Variants in PRKCB observed in about 807,000 individuals in gnomAD.
The protein encoded by PRKCB is protein kinase C beta.
In PRKCB, 13 loss-of-function variants were observed where a neutral mutation model predicts 81.5. That is an observed-to-expected ratio of 0.16 (90% CI 0.10 to 0.25). PRKCB has a LOEUF of 0.25. PRKCB is among the 10% of genes least tolerant of loss of function. PRKCB has a pLI of 1.00. For synonymous variants in PRKCB, 335 were observed against 321.4 expected, an observed-to-expected ratio of 1.04 and a Z score of -0.45; for missense variants, 509 against 875.7, an observed-to-expected ratio of 0.58 and a Z score of 5.29.
In PRKCB at chr16:24,219,723, A is replaced by G. The variant is rs1441447355; in HGVS notation, c.*4907A>G. Reference sequence around the variant, plus strand: ...ACACACCACTTTATGGCAATTCTTAACTGACATTCAATGACTTACTTCTTT... The same window carrying G: ...ACACACCACTTTATGGCAATTCTTAGCTGACATTCAATGACTTACTTCTTT... On this transcript the variant is annotated 3_prime_UTR_variant, in exon 17 of 17. Coordinates refer to ENST00000643927, the MANE Select transcript of PRKCB (RefSeq NM_002738.7). 4.2e-5 allele frequency: 57 copies of G among 1,354,674 alleles called. No individual in the cohort carries two copies. Among genetic ancestry groups the G allele is most frequent in the Non-Finnish European group, 5.4e-5 (57 of 1,053,358 alleles). 83.9% of individuals were successfully genotyped at this position (1,354,674 alleles called of 1,614,324 possible).
chr16:24,129,846 C>T (rs992802140), intron 9 of PRKCB, among the ~76,000 whole-genome samples: 1 of 152,192 alleles, frequency 6.6e-6, no homozygotes, highest in Non-Finnish European at 1.5e-5. Context: ...ATGTAATATA[C>T]TCATGGTCCC....
chr16:23,919,296 A>G (rs912348346), intron 2 of PRKCB, among the ~76,000 whole-genome samples: 1 of 151,986 alleles, frequency 6.6e-6, no homozygotes, highest in Non-Finnish European at 1.5e-5. Context: ...AAATCAAATT[A>G]TACTACTTAT....
intron 2 of PRKCB, among the ~76,000 whole-genome samples, chr16:23,917,243 C>T (rs180726081): frequency 7.2e-5 from 11 of 152,136 alleles, no homozygotes; most frequent in South Asian, 2.1e-4. Flanking sequence ...CTACCACACC[C>T]GGCTAATTTT....
At chr16:24,140,744 G>C (rs749826889) in intron 9 of PRKCB, among the ~76,000 whole-genome samples, 1 of 152,200 alleles carries the variant, frequency 6.6e-6, no homozygotes, top group Non-Finnish European at 1.5e-5. Context: ...GAGTAATTGG[G>C]AAAGTTGCAA....
At chr16:23,882,006 CTT>C (rs757542870) in intron 2 of PRKCB, among the ~76,000 whole-genome samples, 8 of 101,508 alleles carry the variant, frequency 7.9e-5, no homozygotes, top group Non-Finnish European at 1.2e-4. Context: ...TTCTTTCTTT[CTT>C]TCTTTCTTTC....
intron 2 of PRKCB, among the ~76,000 whole-genome samples, chr16:23,972,063 C>T (rs537762547): frequency 3.9e-5 from 6 of 152,140 alleles, no homozygotes; most frequent in African/African-American, 1.4e-4. Context: ...AATGGATAAG[C>T]AAACTTTAGA....
chr16:23,872,297 G>A (rs1962917704), intron 2 of PRKCB, among the ~76,000 whole-genome samples: 1 of 152,216 alleles, frequency 6.6e-6, no homozygotes, highest in Admixed American at 6.5e-5. Flanking sequence ...AGACCAAGAA[G>A]TGGAATAGTT....
At chr16:24,127,364 G>A (rs1179263290) in intron 9 of PRKCB, among the ~76,000 whole-genome samples, 1 of 152,046 alleles carries the variant, frequency 6.6e-6, no homozygotes, top group Non-Finnish European at 1.5e-5. Context: ...ATATTAAAAG[G>A]ATAAACACTG....
intron 16 of PRKCB, among the ~76,000 whole-genome samples, chr16:24,201,888 T>G (rs1342611730): frequency 6.6e-6 from 1 of 151,900 alleles, no homozygotes; most frequent in Non-Finnish European, 1.5e-5. Flanking sequence ...TACAAAAAAT[T>G]AGCTGGGCGC....
At chr16:23,889,847 A>G (rs750557729) in intron 2 of PRKCB, among the ~76,000 whole-genome samples, 4 of 152,150 alleles carry the variant, frequency 2.6e-5, no homozygotes, top group African/African-American at 9.7e-5. Context: ...TCTCTCATCT[A>G]TCATCTATCT....
At chr16:24,186,313 G>A (rs982535682) in intron 15 of PRKCB, among the ~76,000 whole-genome samples, 2 of 152,168 alleles carry the variant, frequency 1.3e-5, no homozygotes, top group African/African-American at 4.8e-5. Flanking sequence ...GAATGCACAT[G>A]CTTCTGCCTT....
chr16:23,917,083 C>G (rs2141740523), intron 2 of PRKCB, among the ~76,000 whole-genome samples: 1 of 151,886 alleles, frequency 6.6e-6, no homozygotes, highest in Admixed American at 6.6e-5. Context: ...ATGTCTCATT[C>G]TATTTTTATT....
chr16:23,960,836 G>A (rs1270206003), intron 2 of PRKCB, among the ~76,000 whole-genome samples: 1 of 152,176 alleles, frequency 6.6e-6, no homozygotes, highest in Non-Finnish European at 1.5e-5. Flanking sequence ...TTTAATCATT[G>A]TCTGAGAGTC....
chr16:24,172,429 T>C, intron 11 of PRKCB, 68 bp downstream of exon 11: 1 of 1,403,988 alleles, frequency 7.1e-7, no homozygotes, highest in Non-Finnish European at 9.9e-7. Context: ...CCTTTGAGGG[T>C]GTTTTTTTGC....
At chr16:24,192,538 GT>G (rs1967809781) in intron 16 of PRKCB, among the ~76,000 whole-genome samples, 1 of 152,166 alleles carries the variant, frequency 6.6e-6, no homozygotes, top group South Asian at 2.1e-4. Flanking sequence ...AACTCATATG[GT>G]TTTTGTGGGG....
At chr16:24,134,118 G>A (rs528638005) in intron 9 of PRKCB, among the ~76,000 whole-genome samples, 1 of 152,002 alleles carries the variant, frequency 6.6e-6, no homozygotes, top group South Asian at 2.1e-4. Context: ...GGCTGGTCTC[G>A]AACTCCTGGG....
intron 2 of PRKCB, among the ~76,000 whole-genome samples, chr16:23,904,550 C>T (rs1963527752): frequency 6.6e-6 from 1 of 152,082 alleles, no homozygotes; most frequent in African/African-American, 2.4e-5. Context: ...GTGATTTCAG[C>T]TACTTGGGAG....
chr16:23,882,029 C>T (rs796178410), intron 2 of PRKCB, among the ~76,000 whole-genome samples: 2,006 of 23,318 alleles, frequency 0.086, 28 homozygotes, highest in East Asian at 0.2. Flanking sequence ...TTTCTTCCTT[C>T]CTTCCTTCCT....
At chr16:23,936,979 C>T (rs1282367865) in intron 2 of PRKCB, among the ~76,000 whole-genome samples, 2 of 152,184 alleles carry the variant, frequency 1.3e-5, no homozygotes, top group East Asian at 3.8e-4. Context: ...TTCCAGTTTG[C>T]TGTAGCAGGC....
Sources: allele counts gnomAD v4.1 joint callset (sites outside exome capture counted in the v4.1 genomes callset), GRCh38; gene constraint gnomAD v4.1.1; transcripts MANE v1.5; gene names NCBI Gene and HGNC (gene_info 2026-07-23, HGNC 2026-07-21).